The following TMEM74 variants were observed in gnomAD, a reference collection of about 807,000 sequenced individuals.
The protein encoded by TMEM74 is transmembrane protein 74.
A neutral mutation model predicts 18.1 loss-of-function variants in TMEM74; 13 were observed. That is an observed-to-expected ratio of 0.72 (90% CI 0.47 to 1.14). The LOEUF (loss-of-function observed/expected upper bound fraction) is 1.14. TMEM74 is among the 50% of genes most tolerant of loss of function. The probability of loss-of-function intolerance (pLI) is 0.00; values close to 1 mark genes in which losing one functional copy is unlikely to be tolerated. For synonymous variants in TMEM74, 159 were observed against 146.6 expected, an observed-to-expected ratio of 1.08 and a Z score of -0.61; for missense variants, 372 against 375.9, an observed-to-expected ratio of 0.99 and a Z score of 0.09.
chr8:108,632,465 T>C (rs1343904458), intron 2 of TMEM74, among the ~76,000 whole-genome samples: 3 of 151,998 alleles, frequency 2.0e-5, no homozygotes, highest in Non-Finnish European at 4.4e-5. Context: ...GAAAATGCAA[T>C]GATGTTATAA....
At chr8:108,734,401 AC>A (rs1813725134) in intron 1 of TMEM74, among the ~76,000 whole-genome samples, 1 of 150,458 alleles carries the variant, frequency 6.6e-6, no homozygotes, top group Non-Finnish European at 1.5e-5. Context: ...AACCTAATAA[AC>A]CCCCCTTTCA....
At chr8:108,771,922 G>A (rs750589355) in intron 1 of TMEM74, among the ~76,000 whole-genome samples, 1 of 152,036 alleles carries the variant, frequency 6.6e-6, no homozygotes, top group African/African-American at 2.4e-5. Flanking sequence ...GCTCCGAAAA[G>A]TAACGTATGA....
At chr8:108,723,215 A>C (rs1813602924) in intron 1 of TMEM74, among the ~76,000 whole-genome samples, 1 of 152,158 alleles carries the variant, frequency 6.6e-6, no homozygotes, top group South Asian at 2.1e-4. Context: ...GGGTGATTTA[A>C]ATTGCACAGA....
intron 2 of TMEM74, chr8:108,608,957 A>G (rs1812306533): frequency 6.6e-6 from 1 of 152,230 alleles, no homozygotes; most frequent in Non-Finnish European, 1.5e-5. Flanking sequence ...TGTATGAAAA[A>G]TGTGTATGCT....
intron 2 of TMEM74, among the ~76,000 whole-genome samples, chr8:108,622,003 T>G (rs1812445027): frequency 6.6e-6 from 1 of 152,144 alleles, no homozygotes; most frequent in Non-Finnish European, 1.5e-5. Context: ...TTCACTAGAA[T>G]GCTTTCTCTT....
At chr8:108,759,155 G>A (rs918645782) in intron 1 of TMEM74, among the ~76,000 whole-genome samples, 9 of 151,920 alleles carry the variant, frequency 5.9e-5, no homozygotes, top group African/African-American at 2.2e-4. Context: ...AGTAAAAAGG[G>A]GTATGAGATC....
At chr8:108,625,616 A>G (rs1250114184) in intron 2 of TMEM74, among the ~76,000 whole-genome samples, 1 of 152,052 alleles carries the variant, frequency 6.6e-6, no homozygotes, top group African/African-American at 2.4e-5. Context: ...AAGATAAGGT[A>G]TAGCAGTCAA....
intron 1 of TMEM74, among the ~76,000 whole-genome samples, chr8:108,718,512 C>T (rs1013047843): frequency 3.3e-5 from 5 of 152,074 alleles, no homozygotes; most frequent in East Asian, 1.9e-4. Context: ...TGGGGAAGAG[C>T]GCAGACTCCT....
chr8:108,775,048 A>G (rs78473135), downstream of TMEM74, among the ~76,000 whole-genome samples: 1 of 152,200 alleles, frequency 6.6e-6, no homozygotes, highest in African/African-American at 2.4e-5. Flanking sequence ...CTGGCAAACT[A>G]TAAACAGAAG....
intron 1 of TMEM74, among the ~76,000 whole-genome samples, chr8:108,759,514 A>G (rs1199543950): frequency 1.3e-5 from 2 of 152,092 alleles, no homozygotes; most frequent in African/African-American, 4.8e-5. Context: ...TTAAATAATG[A>G]TATGTCCATA....
At chr8:108,748,323 G>C (rs1813871625) in intron 1 of TMEM74, among the ~76,000 whole-genome samples, 1 of 152,144 alleles carries the variant, frequency 6.6e-6, no homozygotes, top group Admixed American at 6.6e-5. Context: ...CAGTGATGTT[G>C]AGCTTTATTT....
intron 1 of TMEM74, among the ~76,000 whole-genome samples, chr8:108,669,845 C>G (rs1812985258): frequency 6.6e-6 from 1 of 151,842 alleles, no homozygotes. Flanking sequence ...CGAGACCAGC[C>G]TGGTCAAGAT....
intron 1 of TMEM74, among the ~76,000 whole-genome samples, chr8:108,661,297 T>G (rs1377675849): frequency 6.6e-6 from 1 of 151,932 alleles, no homozygotes; most frequent in East Asian, 1.9e-4. Context: ...CAAGATGTTT[T>G]TAGTTTATGA....
chr8:108,720,692 T>TA (rs1489014013), intron 1 of TMEM74, among the ~76,000 whole-genome samples: 1 of 152,188 alleles, frequency 6.6e-6, no homozygotes, highest in Non-Finnish European at 1.5e-5. Flanking sequence ...GTCAAATAAG[T>TA]AAAATGAGGA....
chr8:108,784,487 C>T lies in TMEM74; in HGVS notation c.612G>A (p.Val204=), dbSNP rs981341409. 6.8e-6 allele frequency: 11 copies of T among 1,614,040 alleles called. No homozygotes were observed. Among genetic ancestry groups the T allele is most frequent in the African/African-American group, 4.0e-5 (3 of 74,910 alleles). The change falls in exon 2 of 2, where the codon GTG becomes GTA. Residue 204 remains valine (V), a synonymous_variant. Coordinates refer to ENST00000297459, the MANE Select transcript of TMEM74 (RefSeq NM_153015.3). ...CCCGGGCTGCCACAGTGTTGGGGTC[C>T]ACAGTCACTTCCCGTGGGACGATGT... The part of the protein sequence containing the change: ...ISYIVPREVT[V]DPNTVAAREM...
At position 108,657,881 on chromosome 8, in the gene TMEM74, T is replaced by TTAC. The variant is rs1554630301; in HGVS notation, n.120-2445_120-2444insGTA. 1.6e-4 allele frequency among the ~76,000 whole-genome samples: 16 copies of TTAC among 98,488 alleles called. 3 individuals carry two copies. The highest frequency in any genetic ancestry group is 6.5e-4 in the African/African-American group (16 of 24,516). 64.6% of individuals were successfully genotyped at this position (98,488 alleles called of 152,430 possible). ...AAAAATATATATATATATATATATA[T>TTAC]ATATATATATATATATATATATTAA... On this transcript the variant is annotated intron_variant and non_coding_transcript_variant, in intron 1 of 3. Coordinates refer to the TMEM74 transcript ENST00000518838.
intron 1 of TMEM74, among the ~76,000 whole-genome samples, chr8:108,682,450 T>C (rs1303456874): frequency 6.6e-6 from 1 of 152,124 alleles, no homozygotes; most frequent in Non-Finnish European, 1.5e-5. Context: ...TATTAACCAC[T>C]AATTTATATT....
At chr8:108,653,007 C>T (rs181070599) in intron 2 of TMEM74, 4 of 209,892 alleles carry the variant, frequency 1.9e-5, no homozygotes, top group East Asian at 2.9e-4. Flanking sequence ...GTTCCCGACT[C>T]CTAACTTAGA....
chr8:108,767,715 G>A (rs1470311377), intron 1 of TMEM74, among the ~76,000 whole-genome samples: 8 of 152,004 alleles, frequency 5.3e-5, no homozygotes, highest in Admixed American at 2.6e-4. Flanking sequence ...TTGTATTGGG[G>A]TTATTGACTA....
Sources: gnomAD v4.1 joint callset for allele counts (sites outside exome capture counted in the v4.1 genomes callset) on GRCh38, gnomAD v4.1.1 for gene constraint, MANE v1.5 for transcripts, NCBI Gene and HGNC (gene_info 2026-07-23, HGNC 2026-07-21) for gene names.